Variants in UPP2 observed in about 807,000 individuals in gnomAD.
The protein encoded by UPP2 is uridine phosphorylase 2, also known as UPase 2.
UPP2 carries 23 observed loss-of-function variants against 26.7 expected under a neutral mutation model. The ratio of observed to expected loss-of-function variants is 0.86; its 90% CI spans 0.62 to 1.22. UPP2 has a LOEUF of 1.22. Ranked by LOEUF, UPP2 falls within the 50% of genes most tolerant of loss-of-function variation. The pLI is 0.00. For missense variants in UPP2, 387 were observed against 396.7 expected, an observed-to-expected ratio of 0.98 and a Z score of 0.21; for synonymous variants, 127 against 141.3, an observed-to-expected ratio of 0.90 and a Z score of 0.72.
chr2:158,116,466 G>T (rs1683433811), intron 3 of UPP2, among the ~76,000 whole-genome samples: 1 of 152,176 alleles, frequency 6.6e-6, no homozygotes, highest in African/African-American at 2.4e-5. Flanking sequence ...TCCTGTCTGG[G>T]AAAAAGACCT....
At chr2:158,000,815 G>C (rs954999347) in intron 2 of UPP2, among the ~76,000 whole-genome samples, 3 of 152,362 alleles carry the variant, frequency 2.0e-5, no homozygotes, top group Admixed American at 2.0e-4. Flanking sequence ...TTTATTACTA[G>C]AAGATGCTGA....
At chr2:158,016,760 G>A (rs1683665983) in intron 3 of UPP2, among the ~76,000 whole-genome samples, 1 of 152,048 alleles carries the variant, frequency 6.6e-6, no homozygotes, top group African/African-American at 2.4e-5. Flanking sequence ...AGATACGGAG[G>A]ATTTCTCAAT....
chr2:158,090,973 G>A (rs931222182), intron 3 of UPP2, among the ~76,000 whole-genome samples: 7 of 152,130 alleles, frequency 4.6e-5, no homozygotes, highest in Non-Finnish European at 7.4e-5. Flanking sequence ...GTGAAAGAGG[G>A]CTAACATCCC....
At chr2:157,995,336 T>C in intron 2 of UPP2, 2 of 1,494,100 alleles carry the variant, frequency 1.3e-6, no homozygotes, top group Non-Finnish European at 1.9e-6. Flanking sequence ...CAGTACAAAT[T>C]AATTTTGAAT....
chr2:158,023,996 C>T (rs1346704610), intron 3 of UPP2, among the ~76,000 whole-genome samples: 1 of 152,130 alleles, frequency 6.6e-6, no homozygotes, highest in African/African-American at 2.4e-5. Context: ...AGTTTCTTTC[C>T]TTAGTAGACT....
At chr2:158,002,699 C>A (rs1317363485) in intron 2 of UPP2, among the ~76,000 whole-genome samples, 1 of 152,176 alleles carries the variant, frequency 6.6e-6, no homozygotes, top group Non-Finnish European at 1.5e-5. Flanking sequence ...ATTTTCACAG[C>A]CTTTGTCTTT....
In UPP2 at chr2:158,121,817, G is replaced by A. The variant is rs531061609; in HGVS notation, c.664+199G>A. ...GAGCAGCAGAATGAATTTATATTGA[G>A]GGTGGATTTAATCCTCCAAGAACAC... On this transcript the variant is annotated intron_variant, in intron 5 of 6. Coordinates refer to ENST00000005756, the MANE Select transcript of UPP2 (RefSeq NM_173355.4). Among the ~76,000 whole-genome samples the A allele has an allele frequency of 2.6e-5, 4 of 152,080 alleles. No homozygotes were observed. In the South Asian group the frequency reaches 6.2e-4, roughly 24 times the overall value.
At chr2:158,065,428 C>G (rs1238050429) in intron 3 of UPP2, 1 of 251,752 alleles carries the variant, frequency 4.0e-6, no homozygotes, top group Admixed American at 5.4e-5. Context: ...ATACTCAAAG[C>G]ACTGAGAATT....
At chr2:158,116,454 T>C (rs17603277) in intron 3 of UPP2, among the ~76,000 whole-genome samples, 13,317 of 152,260 alleles carry the variant, frequency 0.087, 717 homozygotes, top group East Asian at 0.25. Context: ...AGACTGATCC[T>C]GTCCTGTCTG....
At chr2:158,048,027 G>T (rs1574262491) in intron 3 of UPP2, among the ~76,000 whole-genome samples, 1 of 152,192 alleles carries the variant, frequency 6.6e-6, no homozygotes. Context: ...AAGGCTGGGG[G>T]CATCTGAGAT....
intron 1 of UPP2, among the ~76,000 whole-genome samples, chr2:158,104,417 A>T (rs1683137002): frequency 6.6e-6 from 1 of 152,058 alleles, no homozygotes; most frequent in Non-Finnish European, 1.5e-5. Flanking sequence ...GGCTTCACCA[A>T]AGATCATTTG....
chr2:158,118,504 C>T, intron 4 of UPP2, among the ~76,000 whole-genome samples: 1 of 151,970 alleles, frequency 6.6e-6, no homozygotes, highest in East Asian at 1.9e-4. Context: ...CCCAACCTCC[C>T]TTCTTCTTAG....
At chr2:158,052,972 G>A (rs1682184215) in intron 3 of UPP2, among the ~76,000 whole-genome samples, 1 of 152,156 alleles carries the variant, frequency 6.6e-6, no homozygotes, top group Non-Finnish European at 1.5e-5. Context: ...GCTGTAGTAT[G>A]CCAATCCCTG....
intron 3 of UPP2, among the ~76,000 whole-genome samples, chr2:158,036,763 G>A (rs1017854319): frequency 6.6e-6 from 1 of 152,092 alleles, no homozygotes; most frequent in Non-Finnish European, 1.5e-5. Flanking sequence ...CTGTCCCTGT[G>A]GGCAGAAGAT....
intron 2 of UPP2, among the ~76,000 whole-genome samples, chr2:158,007,212 C>T (rs76376789): frequency 3.3e-3 from 495 of 152,254 alleles, no homozygotes; most frequent in African/African-American, 0.011. Flanking sequence ...AATAATTCTG[C>T]GAGGCGGTGC....
intron 3 of UPP2, among the ~76,000 whole-genome samples, chr2:158,072,776 C>T (rs1558921782): frequency 6.6e-6 from 1 of 152,208 alleles, no homozygotes; most frequent in East Asian, 1.9e-4. Context: ...AAGGTGGTAA[C>T]TCAATGAGTC....
intron 3 of UPP2, among the ~76,000 whole-genome samples, chr2:158,076,032 G>A (rs1372356528): frequency 1.3e-5 from 2 of 152,006 alleles, no homozygotes; most frequent in East Asian, 3.9e-4. Context: ...GATCACTAGT[G>A]GCTATTATGA....
intron 3 of UPP2, among the ~76,000 whole-genome samples, chr2:158,022,095 C>A (rs1433804746): frequency 6.6e-6 from 1 of 151,512 alleles, no homozygotes; most frequent in East Asian, 1.9e-4. Flanking sequence ...GAAGTATTTC[C>A]TAGATGAGTG....
intron 3 of UPP2, among the ~76,000 whole-genome samples, chr2:158,076,757 A>G (rs1682636740): frequency 6.6e-6 from 1 of 152,062 alleles, no homozygotes; most frequent in African/African-American, 2.4e-5. Context: ...TAAGATCTGA[A>G]ACACGTCAAA....
Sources: gnomAD v4.1 joint callset for allele counts (sites outside exome capture counted in the v4.1 genomes callset) on GRCh38, gnomAD v4.1.1 for gene constraint, MANE v1.5 for transcripts, NCBI Gene and HGNC (gene_info 2026-07-23, HGNC 2026-07-21) for gene names.